PCSK2: variants seen among roughly 807,000 people sequenced by gnomAD.
The protein encoded by PCSK2 is neuroendocrine convertase 2.
A neutral mutation model predicts 69.7 loss-of-function variants in PCSK2; 14 were observed. The observed-to-expected ratio is 0.20, with a 90% CI of 0.13 to 0.31. The LOEUF (loss-of-function observed/expected upper bound fraction) is 0.31. PCSK2 is among the 10% of genes least tolerant of loss of function. The pLI, the probability that PCSK2 is intolerant of heterozygous loss-of-function variation, is 1.00. For synonymous variants in PCSK2, 307 were observed against 320.7 expected (o/e 0.96, Z 0.46); for missense variants, 544 against 842.5 (o/e 0.65, Z 4.39).
chr20:17,331,649 A>T lies in PCSK2; in HGVS notation c.283-26678A>T, dbSNP rs1192325741. Among the ~76,000 whole-genome samples, 51 of 152,160 alleles carry T rather than the reference A, an allele frequency of 3.4e-4. 1 individual carries two copies. The highest frequency in any genetic ancestry group is 3.3e-3 in the Admixed American group (50 of 15,280). On this transcript the variant is annotated intron_variant, in intron 2 of 11. Transcript: ENST00000262545. ...AAACAGATCTTGGGGCACTTAAATG[A>T]TCTCTCTACTGTGAACCACTCAGAA...
chr20:17,411,831 C>T (rs1395389542), intron 6 of PCSK2, among the ~76,000 whole-genome samples: 1 of 152,226 alleles, frequency 6.6e-6, no homozygotes, highest in Non-Finnish European at 1.5e-5. Context: ...AAAGATCAGG[C>T]AGCAATATTT....
intron 1 of PCSK2, among the ~76,000 whole-genome samples, chr20:17,258,761 A>AGTGTGTGT (rs11467589): frequency 0.02 from 2,856 of 145,062 alleles, 38 homozygotes; most frequent in East Asian, 0.04. Flanking sequence ...CATAATATGT[A>AGTGTGTGT]GTGTGTGTGT....
intron 2 of PCSK2, among the ~76,000 whole-genome samples, chr20:17,289,611 TAG>T (rs1395987423): frequency 6.6e-6 from 1 of 152,234 alleles, no homozygotes; most frequent in African/African-American, 2.4e-5. Context: ...ATATATATTT[TAG>T]AGAGTATCAC....
intron 4 of PCSK2, among the ~76,000 whole-genome samples, chr20:17,362,302 A>G (rs2030422398): frequency 6.6e-6 from 1 of 152,212 alleles, no homozygotes; most frequent in African/African-American, 2.4e-5. Flanking sequence ...CCCCCCAATT[A>G]CAATTCCTGG....
chr20:17,303,876 G>A (rs1989242774), intron 2 of PCSK2, among the ~76,000 whole-genome samples: 1 of 147,944 alleles, frequency 6.8e-6, no homozygotes, highest in South Asian at 2.1e-4. Context: ...GACCGTGCCT[G>A]GCCTATATAT....
intron 2 of PCSK2, among the ~76,000 whole-genome samples, chr20:17,350,141 T>C (rs2029932965): frequency 6.8e-6 from 1 of 147,098 alleles, no homozygotes; most frequent in Non-Finnish European, 1.5e-5. Context: ...CCTAATCTAG[T>C]ATGACCTCAT....
chr20:17,417,646 C>T (rs1167780455), intron 6 of PCSK2, among the ~76,000 whole-genome samples: 1 of 152,180 alleles, frequency 6.6e-6, no homozygotes, highest in African/African-American at 2.4e-5. Flanking sequence ...CAAAACATCA[C>T]CATTACCCTG....
intron 6 of PCSK2, among the ~76,000 whole-genome samples, chr20:17,411,392 TG>T (rs1405718617): frequency 6.6e-6 from 1 of 152,240 alleles, no homozygotes; most frequent in Non-Finnish European, 1.5e-5. Flanking sequence ...ATGTCTGGGT[TG>T]GCAGGTCCCA....
At chr20:17,443,346 G>A (rs6044820) in intron 8 of PCSK2, among the ~76,000 whole-genome samples, 1 of 152,206 alleles carries the variant, frequency 6.6e-6, no homozygotes, top group Non-Finnish European at 1.5e-5. Flanking sequence ...TCGGGTGGCA[G>A]GAAAGTGACG....
At chr20:17,285,648 G>T (rs1370692173) in intron 2 of PCSK2, among the ~76,000 whole-genome samples, 1 of 152,214 alleles carries the variant, frequency 6.6e-6, no homozygotes, top group Non-Finnish European at 1.5e-5. Flanking sequence ...AGACAGATTG[G>T]CCACATAAGA....
At chr20:17,344,139 C>T (rs1245197404) in intron 2 of PCSK2, among the ~76,000 whole-genome samples, 3 of 152,238 alleles carry the variant, frequency 2.0e-5, no homozygotes, top group East Asian at 1.9e-4. Context: ...TCCGCATCAC[C>T]GTGCTGGGGC....
At chr20:17,467,149 CAGTT>C (rs1378234137) in intron 11 of PCSK2, among the ~76,000 whole-genome samples, 1 of 152,212 alleles carries the variant, frequency 6.6e-6, no homozygotes, top group Non-Finnish European at 1.5e-5. Context: ...CTCTTCTACT[CAGTT>C]ACCCAGACCT....
rs190543805 is a variant in PCSK2 at position 17,466,347 on chromosome 20, A to G, written c.1430+794A>G. On this transcript the variant is annotated intron_variant, in intron 11 of 11. Coordinates refer to ENST00000262545, the MANE Select transcript of PCSK2 (RefSeq NM_002594.5). ...GGAGTTATGTTTGTGAGATCCAGTC[A>G]TGTTTAATGTGTACTTACAGCTTTT... Among the ~76,000 whole-genome samples, 392 of 152,298 alleles carry G rather than the reference A, an allele frequency of 2.6e-3. 6 individuals are homozygous for G. Among genetic ancestry groups the G allele is most frequent in the South Asian group, 3.1e-3 (15 of 4,816 alleles).
intron 1 of PCSK2, among the ~76,000 whole-genome samples, chr20:17,239,342 T>C (rs972886695): frequency 1.3e-5 from 2 of 152,206 alleles, no homozygotes; most frequent in Non-Finnish European, 2.9e-5. Context: ...TTCTAGGAAC[T>C]GTCAGCCAAG....
intron 2 of PCSK2, among the ~76,000 whole-genome samples, chr20:17,279,768 C>T (rs1414849438): frequency 1.6e-5 from 2 of 127,856 alleles, no homozygotes; most frequent in Non-Finnish European, 3.2e-5. Context: ...GCCTGGGCAA[C>T]AGGAGCGAAA....
At chr20:17,272,802 AG>A (rs1186606904) in intron 2 of PCSK2, among the ~76,000 whole-genome samples, 1 of 152,120 alleles carries the variant, frequency 6.6e-6, no homozygotes, top group Non-Finnish European at 1.5e-5. Context: ...GTGTCTCACC[AG>A]GGAGGCTATT....
chr20:17,317,431 A>G (rs1205307974), intron 2 of PCSK2, among the ~76,000 whole-genome samples: 2 of 152,068 alleles, frequency 1.3e-5, no homozygotes, highest in African/African-American at 2.4e-5. Flanking sequence ...TCCTTTTCTC[A>G]CTGGAGTGGG....
At chr20:17,321,396 T>C (rs916515136) in intron 2 of PCSK2, among the ~76,000 whole-genome samples, 2 of 152,242 alleles carry the variant, frequency 1.3e-5, no homozygotes, top group African/African-American at 4.8e-5. Flanking sequence ...CTCTCCTCAC[T>C]GCTGAGGATT....
At chr20:17,465,139 A>G (rs1600601385) in intron 10 of PCSK2, 187 bp from the exon 11 acceptor site, 2 of 603,448 alleles carry the variant, frequency 3.3e-6, no homozygotes, top group Non-Finnish European at 6.0e-6. Context: ...GATTTCTTTA[A>G]TTGACTTATA....
Sources: gnomAD v4.1 joint callset for allele counts (sites outside exome capture counted in the v4.1 genomes callset) on GRCh38, gnomAD v4.1.1 for gene constraint, MANE v1.5 for transcripts, NCBI Gene and HGNC (gene_info 2026-07-23, HGNC 2026-07-21) for gene names.